KMT2B: variants seen among roughly 807,000 people sequenced by gnomAD.
KMT2B encodes lysine methyltransferase 2B.
KMT2B carries 22 observed loss-of-function variants against 255.3 expected under a neutral mutation model. The ratio of observed to expected loss-of-function variants is 0.09; its 90% confidence interval spans 0.06 to 0.12. KMT2B has a LOEUF of 0.12. KMT2B is among the 10% of genes least tolerant of loss of function. The pLI is 1.00. For synonymous variants in KMT2B, 1,730 were observed against 1,498.1 expected (o/e 1.15, Z -3.57); for missense variants, 3,149 against 3,737.0 (o/e 0.84, Z 4.10).
rs1388679213 is a variant in KMT2B, at chr19:35,718,414, TG to T, written c.363+37del. ...GGTTGGAGGCGTCCCCGGCGCCGGG[TG>T]GGGCGGAGGCCGGGGCTTCCAGGGG... On this transcript the variant is annotated intron_variant, in intron 1 of 36. Transcript: ENST00000420124. The surrounding 1 kb of genome is among the most constrained non-coding windows in gnomAD (Gnocchi z 5.0). The T allele has an allele frequency of 1.6e-6, 2 of 1,235,726 alleles. No homozygotes were observed. Among genetic ancestry groups the T allele is most frequent in the South Asian group, 4.0e-5 (1 of 25,140 alleles). The allele number at this position is 1,235,726 out of a possible 1,614,324, so 76.5% of individuals were successfully genotyped here.
Position 35,737,789 on chromosome 19 carries a change from TAG to T in KMT2B, c.7658+51_7658+52del, listed in dbSNP as rs1969977577. 1.3e-6 allele frequency: 2 copies of T among 1,549,322 alleles called. No individual in the cohort carries two copies. Among genetic ancestry groups the T allele is most frequent in the African/African-American group, 1.4e-5 (1 of 73,202 alleles). ...GGCGGGTGGTGGTCTGGAAGGGTCT[TAG>T]AGAGTGAGCAGGGGTGAGAGAGGTC... On this transcript the variant is annotated intron_variant, in intron 34 of 36. Transcript: ENST00000420124. The surrounding 1 kb of genome is among the most constrained non-coding windows in gnomAD (Gnocchi z 5.3).
chr19:35,722,097 C>T (rs1295618417), intron 3 of KMT2B, among the ~76,000 whole-genome samples: 2 of 151,680 alleles, frequency 1.3e-5, no homozygotes, highest in African/African-American at 2.4e-5. Flanking sequence ...CTTTGCCTCC[C>T]GGGTTCAAGA....
rs34515466 is a variant in KMT2B, at chr19:35,726,983, CA to C, written c.4004-152del. Among the ~76,000 whole-genome samples, 17,264 of 62,850 alleles carry C rather than the reference CA, an allele frequency of 0.27. 669 individuals carry two copies. Among genetic ancestry groups the C allele is most frequent in the South Asian group, 0.36 (605 of 1,694 alleles). The allele number at this position is 62,850 out of a possible 152,430, so 41.2% of individuals were successfully genotyped here. ...TGGGTGACAGAGCAAGACACTGTCT[CA>C]AAAAAAAAAAAAAAAAAAAAGCCTC... is the stretch of plus-strand genomic sequence containing the variant. On this transcript the variant is annotated intron_variant, in intron 14 of 36. Transcript: ENST00000420124.
chr19:35,734,319 C>T (rs947717238), intron 30 of KMT2B, among the ~76,000 whole-genome samples: 1 of 152,160 alleles, frequency 6.6e-6, no homozygotes, highest in African/African-American at 2.4e-5. Context: ...GCCACAGAGA[C>T]TGCCAGGCCT....
At chr19:35,724,855 G>A (rs1969370400) in intron 9 of KMT2B, 124 bp downstream of exon 9, 2 of 1,107,598 alleles carry the variant, frequency 1.8e-6, no homozygotes, top group South Asian at 2.7e-5. Context: ...GATGAGGCGG[G>A]CCTTGCCTGT....
At chr19:35,719,414 G>A in intron 1 of KMT2B, 55 bp from the exon 2 acceptor site, 1 of 1,281,350 alleles carries the variant, frequency 7.8e-7, no homozygotes, top group East Asian at 2.5e-5. Context: ...CAGATGGAAC[G>A]AGGGCTTTGG....
chr19:35,734,753 G>A (rs1442780672), intron 30 of KMT2B, among the ~76,000 whole-genome samples: 1 of 152,176 alleles, frequency 6.6e-6, no homozygotes, highest in Non-Finnish European at 1.5e-5. Context: ...GCAGTGGCTG[G>A]GGGAGTGGCT....
At position 35,718,333 on chromosome 19, in the gene KMT2B, A is replaced by C; in HGVS notation, c.315A>C (p.Arg105=). 8.0e-7 allele frequency: 1 copy of C among 1,254,764 alleles called. No individual in the cohort carries two copies. The highest frequency in any genetic ancestry group is 3.9e-5 in the South Asian group (1 of 25,476). The allele number at this position is 1,254,764 out of a possible 1,614,324, so 77.7% of individuals were successfully genotyped here. ...RGRGRGWGPS[R]GCVPEEESSD... is the part of the protein sequence containing the mutation. ...GGGGCCGGGGCTGGGGCCCGAGTCG[A>C]GGCTGCGTGCCGGAGGAGGAGAGCA... Residue 105 remains arginine, a synonymous_variant, in exon 1 of 37, where the codon CGA becomes CGC. Transcript: ENST00000420124. This position sits in a 1 kb window ranked among gnomAD's most constrained non-coding sequence, Gnocchi z 5.0.
In KMT2B at chr19:35,721,668, A is replaced by C; in HGVS notation, c.2321A>C (p.Lys774Thr). 1 of 1,612,996 alleles carries C rather than the reference A, an allele frequency of 6.2e-7. No individual in the cohort carries two copies. Among genetic ancestry groups the C allele is most frequent in the Non-Finnish European group, 8.5e-7 (1 of 1,179,458 alleles). Reference sequence around the variant, plus strand: ...CCACAGCAGATGCCTCCCCTGGAAAAAGCCCGGATTGCGGGCGTGGGTTCC... The same window carrying C: ...CCACAGCAGATGCCTCCCCTGGAAACAGCCCGGATTGCGGGCGTGGGTTCC... Reference protein sequence around the residue: ...PSPQQMPPLEKARIAGVGSLP... With the variant: ...PSPQQMPPLETARIAGVGSLP... The change falls in exon 3 of 37, where the codon AAA becomes ACA. Residue 774 changes from lysine (K) to threonine (T), a missense_variant. By Grantham distance (78) the Lys-to-Thr change is moderately conservative. Coordinates refer to ENST00000420124, the MANE Select transcript of KMT2B (RefSeq NM_014727.3).
chr19:35,722,486 G>A lies in KMT2B; in HGVS notation c.2571+14G>A, dbSNP rs1969259936. The A allele has an allele frequency of 6.2e-7, 1 of 1,605,586 alleles. No individual in the cohort carries two copies. The highest frequency in any genetic ancestry group is 8.5e-7 in the Non-Finnish European group (1 of 1,179,226). On this transcript the variant is annotated intron_variant, in intron 4 of 36. Transcript: ENST00000420124. Reference sequence around the variant, plus strand: ...GAGCGGCCCTCAGTATGCATCGGGAGGAGGGCCCTGAAGAAGACTGGCGGG... The same window carrying A: ...GAGCGGCCCTCAGTATGCATCGGGAAGAGGGCCCTGAAGAAGACTGGCGGG...
Position 35,732,860 on chromosome 19 carries a change from G to A in KMT2B, c.6311G>A (p.Arg2104Gln), listed in dbSNP as rs747697534. 28 of 1,609,518 alleles carry A rather than the reference G, an allele frequency of 1.7e-5. No individual in the cohort carries two copies. In the East Asian group the frequency reaches 2.9e-4, roughly 17 times the overall value. ...GVLGAAGDRA[R>Q]PPEDLPSEIV... ...CTTGGGGCTGCAGGGGACAGGGCCC[G>A]GCCTCCTGAGGACCTGCCATCGGAA... Residue 2104 changes from arginine (R) to glutamine (Q), a missense_variant, in exon 28 of 37, where the codon CGG (arginine) becomes CAG (glutamine). Coordinates refer to ENST00000420124, the MANE Select transcript of KMT2B (RefSeq NM_014727.3).
At chr19:35,719,700 G>A (rs891327619) in intron 2 of KMT2B, 84 bp from the exon 3 acceptor site, 65 of 1,531,370 alleles carry the variant, frequency 4.2e-5, no homozygotes, top group Non-Finnish European at 5.6e-5. Context: ...ACACAAGCAA[G>A]ACTTAGTCCC....
In KMT2B at chr19:35,725,001, C is replaced by T. The variant is rs1969378026; in HGVS notation, c.3442C>T (p.Pro1148Ser). The T allele has an allele frequency of 6.2e-7, 1 of 1,612,672 alleles. No individual in the cohort carries two copies. The highest frequency in any genetic ancestry group is 1.1e-5 in the South Asian group (1 of 91,066). The change falls in exon 10 of 37, where the codon CCT becomes TCT. Residue 1148 changes from proline (P) to serine (S), a missense_variant. This residue lies in a region of KMT2B where 136 missense variants were observed against 137.3 expected (regional missense o/e 0.99). Transcript: ENST00000420124. The surrounding 1 kb of genome is among the most constrained non-coding windows in gnomAD (Gnocchi z 4.1). ...RRRLDKDALA[P>S]GPFASFPNGW... ...CTTTCCTCCCCAGGATGCTTTGGCC[C>T]CTGGCCCCTTTGCTTCTTTTCCCAA...
Position 35,733,527 on chromosome 19 carries a change from G to T in KMT2B, c.6959+19G>T, listed in dbSNP as rs1175825019. 1.3e-6 allele frequency: 2 copies of T among 1,553,506 alleles called. No homozygotes were observed. Among genetic ancestry groups the T allele is most frequent in the East Asian group, 4.9e-5 (2 of 41,104 alleles). On this transcript the variant is annotated intron_variant, in intron 28 of 36. Coordinates refer to ENST00000420124, the MANE Select transcript of KMT2B (RefSeq NM_014727.3). This position sits in a 1 kb window ranked among gnomAD's most constrained non-coding sequence, Gnocchi z 4.3. ...GTGGCGGGTGAGTGCGGGTGCTGAGGCTGGCAGAGCAGGCAAGGGGGCAGA... is the reference window on the plus strand; with the variant it reads ...GTGGCGGGTGAGTGCGGGTGCTGAGTCTGGCAGAGCAGGCAAGGGGGCAGA...
chr19:35,727,561 G>A lies in KMT2B; in HGVS notation c.4241G>A (p.Arg1414His), dbSNP rs762074423. 64 of 1,606,296 alleles carry A rather than the reference G, an allele frequency of 4.0e-5. No homozygotes were observed. The highest frequency in any genetic ancestry group is 1.6e-4 in the Middle Eastern group (1 of 6,074). The change falls in exon 16 of 37, where the codon CGC becomes CAC. Residue 1414 changes from arginine to histidine, a missense_variant. Arg to His is a conservative substitution (Grantham distance 29, BLOSUM62 0). Transcript: ENST00000420124. This position sits in a 1 kb window ranked among gnomAD's most constrained non-coding sequence, Gnocchi z 4.2. ...ALSGALQGGL[R>H]QVLQGLLSSK... Reference sequence around the variant, plus strand: ...AGCGGGGCCCTCCAGGGGGGCCTGCGCCAGGTGCTCCAGGGCCTGCTGAGC... The same window carrying A: ...AGCGGGGCCCTCCAGGGGGGCCTGCACCAGGTGCTCCAGGGCCTGCTGAGC...
chr19:35,730,214 C>G (rs1009199939), intron 23 of KMT2B, 89 bp downstream of exon 23: 2 of 1,599,126 alleles, frequency 1.3e-6, no homozygotes, highest in Admixed American at 1.7e-5. Context: ...CCTGGCCCTA[C>G]TGCCTCTCAG....
At position 35,732,505 on chromosome 19, in the gene KMT2B, C is replaced by G; in HGVS notation, c.5956C>G (p.Leu1986Val). The G allele has an allele frequency of 6.2e-7, 1 of 1,613,956 alleles. No individual in the cohort carries two copies. Among genetic ancestry groups the G allele is most frequent in the Non-Finnish European group, 8.5e-7 (1 of 1,179,884 alleles). ...DFEDMEVVSG[L>V]SAADLDFAAS... ...CGAGGACATGGAGGTGGTGTCAGGA[C>G]TGAGTGCTGCTGACCTGGACTTCGC... The change falls in exon 28 of 37, where the codon CTG becomes GTG. Residue 1986 changes from leucine to valine, a missense_variant. Physicochemically the swap from Leu to Val is conservative, Grantham distance 32. Around this residue, in one of 18 missense-constraint regions of KMT2B, gnomAD observed 897 missense variants for 825.3 expected, o/e 1.09. Coordinates refer to ENST00000420124, the MANE Select transcript of KMT2B (RefSeq NM_014727.3).
In KMT2B at chr19:35,732,679, G is replaced by A. The variant is rs749508948; in HGVS notation, c.6130G>A (p.Ala2044Thr). ...YIHFPVTVVS[A>T]PGLAPSATPG... ...CCACTTCCCTGTGACTGTGGTGTCC[G>A]CCCCTGGTCTGGCCCCCAGCGCTAC... The change falls in exon 28 of 37, where the codon GCC becomes ACC. Residue 2044 changes from alanine (A) to threonine (T), a missense_variant. Transcript: ENST00000420124. The A allele has an allele frequency of 2.7e-5, 43 of 1,608,986 alleles. No individual in the cohort carries two copies. Among genetic ancestry groups the A allele is most frequent in the South Asian group, 5.5e-5 (5 of 90,288 alleles).
In KMT2B at chr19:35,720,506, G is replaced by C. The variant is rs1424283345; in HGVS notation, c.1159G>C (p.Ala387Pro). The change falls in exon 3 of 37, where the codon GCT (alanine) becomes CCT (proline). Residue 387 changes from alanine (A) to proline (P), a missense_variant. Physicochemically the swap from Ala to Pro is conservative, Grantham distance 27 (BLOSUM62 -1). Coordinates refer to ENST00000420124, the MANE Select transcript of KMT2B (RefSeq NM_014727.3). The part of the protein sequence containing the change: ...EGEEKEERAV[A>P]EEMMPAAEKE... Reference sequence around the variant, plus strand: ...AGAAGAGAAGGAAGAAAGAGCTGTAGCTGAGGAGATGATGCCAGCTGCGGA... The same window carrying C: ...AGAAGAGAAGGAAGAAAGAGCTGTACCTGAGGAGATGATGCCAGCTGCGGA... 2.6e-6 allele frequency: 4 copies of C among 1,551,312 alleles called. No individual in the cohort carries two copies. The East Asian group carries it at 7.3e-5, about 28-fold the overall frequency.
Sources: gnomAD v4.1 joint callset for allele counts (sites outside exome capture counted in the v4.1 genomes callset) on GRCh38, gnomAD v4.1.1 for gene constraint, gnomAD v4.1.1 regional missense constraint, Gnocchi (gnomAD v3.1) non-coding constraint, MANE v1.5 for transcripts, NCBI Gene and HGNC (gene_info 2026-07-23, HGNC 2026-07-21) for gene names.